APBA1: variants seen among roughly 807,000 people sequenced by gnomAD.
APBA1 encodes amyloid beta precursor protein binding family A member 1.
A neutral mutation model predicts 86.6 loss-of-function variants in APBA1; 55 were observed. The ratio of observed to expected loss-of-function variants is 0.64; its 90% CI spans 0.51 to 0.80. The LOEUF (loss-of-function observed/expected upper bound fraction) is 0.80, where lower values mean the gene tolerates loss of function less well. Ranked by LOEUF, APBA1 falls within the 30% of genes least tolerant of loss-of-function variation. APBA1 has a pLI of 0.00. For missense variants in APBA1, 1,090 were observed against 1,183.0 expected (o/e 0.92, Z 1.15); for synonymous variants, 511 against 493.9 (o/e 1.03, Z -0.46).
intron 1 of APBA1, among the ~76,000 whole-genome samples, chr9:69,620,470 G>A (rs957552874): frequency 8.5e-5 from 13 of 152,090 alleles, no homozygotes; most frequent in African/African-American, 2.9e-4. Flanking sequence ...CTGAGGTCAG[G>A]AGTTCAAGAC....
intron 1 of APBA1, among the ~76,000 whole-genome samples, chr9:69,665,151 G>A (rs1039716970): frequency 1.3e-5 from 2 of 152,132 alleles, no homozygotes; most frequent in Non-Finnish European, 2.9e-5. Context: ...TATCCCTAGG[G>A]AAATGGTGGA....
chr9:69,567,612 C>T (rs1044244454), intron 1 of APBA1, among the ~76,000 whole-genome samples: 13 of 152,084 alleles, frequency 8.5e-5, no homozygotes, highest in African/African-American at 2.9e-4. Flanking sequence ...GTGATGTCCC[C>T]CTTCCTGTGT....
rs71500368 is a variant in APBA1, at chr9:69,541,251, A to ACCC, written c.-69-23975_-69-23973dup. ...AGTTCTATTTTTAATTGTTTTAGGGACCCCCCCCCCCATTCTGTTTTCTAT... is the reference window on the plus strand; with the variant it reads ...AGTTCTATTTTTAATTGTTTTAGGGACCCCCCCCCCCCCCATTCTGTTTTCTAT... On this transcript the variant is annotated intron_variant, in intron 1 of 12. Transcript: ENST00000265381. 4.3e-4 allele frequency among the ~76,000 whole-genome samples: 53 copies of ACCC among 122,692 alleles called. 1 individual carries two copies. Among genetic ancestry groups the ACCC allele is most frequent in the Admixed American group, 6.5e-4 (8 of 12,348 alleles). 80.5% of individuals were successfully genotyped at this position (122,692 alleles called of 152,430 possible). A position where few individuals can be genotyped will look rare whatever the true frequency, so the allele number is the denominator to read the frequency against.
chr9:69,551,444 T>C (rs1411989963), intron 1 of APBA1, among the ~76,000 whole-genome samples: 1 of 151,626 alleles, frequency 6.6e-6, no homozygotes, highest in Non-Finnish European at 1.5e-5. Context: ...TCCCAGCTAC[T>C]CGGGAGGCTG....
intron 1 of APBA1, among the ~76,000 whole-genome samples, chr9:69,657,348 T>C (rs1412720735): frequency 1.3e-5 from 2 of 152,230 alleles, no homozygotes; most frequent in Non-Finnish European, 2.9e-5. Context: ...CAACAAATAG[T>C]GTTTTCTGAG....
chr9:69,597,768 G>A (rs575445457), intron 1 of APBA1, among the ~76,000 whole-genome samples: 340 of 152,284 alleles, frequency 2.2e-3, no homozygotes, highest in Non-Finnish European at 4.1e-3. Context: ...ATTAAATAGG[G>A]AATCCTTTCC....
chr9:69,443,285 C>T (rs2133797474), intron 10 of APBA1, among the ~76,000 whole-genome samples: 2 of 152,336 alleles, frequency 1.3e-5, no homozygotes, highest in Non-Finnish European at 2.9e-5. Flanking sequence ...ATTTTGCGAA[C>T]AACTGTTGTG....
chr9:69,469,867 T>A (rs1486315336), intron 4 of APBA1, among the ~76,000 whole-genome samples: 1 of 152,232 alleles, frequency 6.6e-6, no homozygotes, highest in East Asian at 1.9e-4. Context: ...CGATCTCATC[T>A]GGGATATGAA....
intron 1 of APBA1, among the ~76,000 whole-genome samples, chr9:69,658,222 C>CTCTCTCTT (rs1554709904): frequency 3.6e-4 from 37 of 104,216 alleles, no homozygotes; most frequent in African/African-American, 1.1e-3. Flanking sequence ...AGTCCTTTCT[C>CTCTCTCTT]TCTTTCTTTC....
Position 69,432,522 on chromosome 9 carries a change from C to A in APBA1, c.2442+14G>T. On this transcript the variant is annotated intron_variant, in intron 12 of 12. Transcript: ENST00000265381. Reference sequence around the variant, plus strand: ...CGGCCCTCAGCACCACCCTCAGCCCCGGACCTCTCCTACCTCCCCAACAGC... The same window carrying A: ...CGGCCCTCAGCACCACCCTCAGCCCAGGACCTCTCCTACCTCCCCAACAGC... The A allele has an allele frequency of 6.6e-7, 1 of 1,523,568 alleles. No homozygotes were observed. Among genetic ancestry groups the A allele is most frequent in the Non-Finnish European group, 8.8e-7 (1 of 1,131,382 alleles). The allele number at this position is 1,523,568 out of a possible 1,614,324, so 94.4% of individuals were successfully genotyped here. A position where few individuals can be genotyped will look rare whatever the true frequency, so the allele number is the denominator to read the frequency against.
At chr9:69,482,960 G>T (rs1835541469) in intron 2 of APBA1, among the ~76,000 whole-genome samples, 1 of 123,426 alleles carries the variant, frequency 8.1e-6, no homozygotes, top group Non-Finnish European at 1.6e-5. Context: ...CACACTCTGG[G>T]GACTGTTGTG....
At chr9:69,556,792 T>C (rs151338631) in intron 1 of APBA1, among the ~76,000 whole-genome samples, 29 of 152,312 alleles carry the variant, frequency 1.9e-4, no homozygotes, top group African/African-American at 7.0e-4. Context: ...ATATCTAATG[T>C]GCAGAGGCAG....
intron 1 of APBA1, among the ~76,000 whole-genome samples, chr9:69,657,067 G>A (rs371454891): frequency 6.6e-6 from 1 of 151,798 alleles, no homozygotes; most frequent in Non-Finnish European, 1.5e-5. Flanking sequence ...GGATGGTCTC[G>A]ATCTCCTGAC....
In APBA1 at chr9:69,517,259, C is replaced by T; in HGVS notation, c.-49G>A. 10 of 1,419,526 alleles carry T rather than the reference C, an allele frequency of 7.0e-6. No individual in the cohort carries two copies. The South Asian group carries it at 1.4e-4, about 20-fold the overall frequency. 87.9% of individuals were successfully genotyped at this position (1,419,526 alleles called of 1,614,324 possible). ...GAGAAGCTGGGCCCGGCTCACTGCG[C>T]TCTCATTTTGCTCCACTGGGCTGGA... On this transcript the variant is annotated 5_prime_UTR_variant, in exon 2 of 13. Coordinates refer to ENST00000265381, the MANE Select transcript of APBA1 (RefSeq NM_001163.4).
At chr9:69,645,393 G>C (rs72719096) in intron 1 of APBA1, among the ~76,000 whole-genome samples, 35,905 of 152,090 alleles carry the variant, frequency 0.24, 4,574 homozygotes, top group African/African-American at 0.3. Flanking sequence ...ATAACAACAT[G>C]ACACAAGCAA....
chr9:69,579,844 G>T (rs749142403), intron 1 of APBA1, among the ~76,000 whole-genome samples: 21 of 152,158 alleles, frequency 1.4e-4, no homozygotes, highest in African/African-American at 4.8e-4. Context: ...GATCTAATTT[G>T]ATTCTTGCTC....
At chr9:69,449,908 G>T in intron 9 of APBA1, 112 bp from the exon 10 acceptor site, 1 of 879,236 alleles carries the variant, frequency 1.1e-6, no homozygotes, top group Non-Finnish European at 1.7e-6. Flanking sequence ...CTTCCCTGGG[G>T]ACACCAACCC....
At chr9:69,666,732 T>C (rs1336297963) in intron 1 of APBA1, among the ~76,000 whole-genome samples, 1 of 152,202 alleles carries the variant, frequency 6.6e-6, no homozygotes, top group East Asian at 1.9e-4. Context: ...CACAATCATT[T>C]TGTGAAAAAT....
In APBA1 at chr9:69,495,051, A is replaced by C. The variant is rs919593686; in HGVS notation, c.1201-18908T>G. On this transcript the variant is annotated intron_variant, in intron 2 of 12. Transcript: ENST00000265381. ...ATTAGAATGTGGAGAATCAGAATGC[A>C]ATGCTGACGGGGAGAAAGCAAGGAG... 1.1e-4 allele frequency among the ~76,000 whole-genome samples: 17 copies of C among 152,144 alleles called. 1 individual carries two copies. The highest frequency in any genetic ancestry group is 3.9e-4 in the African/African-American group (16 of 41,446).
Sources: gnomAD v4.1 joint callset for allele counts (sites outside exome capture counted in the v4.1 genomes callset) on GRCh38, gnomAD v4.1.1 for gene constraint, MANE v1.5 for transcripts, NCBI Gene and HGNC (gene_info 2026-07-23, HGNC 2026-07-21) for gene names.